Variants in THAP5 observed in about 807,000 individuals in gnomAD.
The protein encoded by THAP5 is THAP domain-containing protein 5.
In THAP5, 26 loss-of-function variants were observed where a neutral mutation model predicts 34.0. The ratio of observed to expected loss-of-function variants is 0.77; its 90% confidence interval spans 0.56 to 1.06. The LOEUF is 1.06. Ranked by LOEUF, THAP5 falls within the 50% of genes least tolerant of loss-of-function variation. The pLI, the probability that THAP5 is intolerant of heterozygous loss-of-function variation, is 0.00. For missense variants in THAP5, 394 were observed against 452.8 expected, an observed-to-expected ratio of 0.87 and a Z score of 1.18; for synonymous variants, 125 against 153.0, an observed-to-expected ratio of 0.82 and a Z score of 1.35.
At position 108,564,282 on chromosome 7, in the gene THAP5, A is replaced by G. The variant is rs753708909; in HGVS notation, c.1097T>C (p.Ile366Thr). 11 of 1,613,658 alleles carry G rather than the reference A, an allele frequency of 6.8e-6. No homozygotes were observed. The highest frequency in any genetic ancestry group is 1.1e-5 in the South Asian group (1 of 91,058). Residue 366 changes from isoleucine (I) to threonine (T), a missense_variant, in exon 3 of 3, where the codon ATA becomes ACA. Transcript: ENST00000415914. Reference sequence around the variant, plus strand: ...CCAGTTTTCCTGCTTTAGCTGCCTTATAAGAGCTTCCAAAGACTTCAATCT... The same window carrying G: ...CCAGTTTTCCTGCTTTAGCTGCCTTGTAAGAGCTTCCAAAGACTTCAATCT... ...LGRLKSLEAL[I>T]RQLKQENWLS...
the THAP5 span, among the ~76,000 whole-genome samples, chr7:108,544,237 G>A: frequency 3.3e-5 from 5 of 152,072 alleles, no homozygotes; most frequent in Non-Finnish European, 7.4e-5. Context: ...AAATAAAGAA[G>A]GACATTGGGC....
Position 108,564,876 on chromosome 7 carries a change from A to G in THAP5, c.503T>C (p.Leu168Pro). 11 of 1,605,958 alleles carry G rather than the reference A, an allele frequency of 6.8e-6. No homozygotes were observed. The highest frequency in any genetic ancestry group is 9.4e-6 in the Non-Finnish European group (11 of 1,174,880). ...TGGTTTCCCAGTATGTTGTTTAACTAGATTAAGAGTTAACATGTTATTTTG... is the reference window on the plus strand; with the variant it reads ...TGGTTTCCCAGTATGTTGTTTAACTGGATTAAGAGTTAACATGTTATTTTG... ...SIQNNMLTLN[L>P]VKQHTGKPES... The change falls in exon 3 of 3, where the codon CTA (leucine) becomes CCA (proline). Residue 168 changes from leucine (L) to proline (P), a missense_variant. Physicochemically the swap from Leu to Pro is moderately conservative, Grantham distance 98 (BLOSUM62 -3). Transcript: ENST00000415914.
At chr7:108,555,540 T>C (rs2154517875) in intron 1 of THAP5, among the ~76,000 whole-genome samples, 1 of 152,210 alleles carries the variant, frequency 6.6e-6, no homozygotes, top group Middle Eastern at 3.4e-3. Flanking sequence ...TATTAGTCTG[T>C]GTTCATGCTG....
At chr7:108,542,104 T>C in the THAP5 span, among the ~76,000 whole-genome samples, 29,854 of 152,114 alleles carry the variant, frequency 0.2, 3,647 homozygotes, top group East Asian at 0.5. Context: ...TTTCATAGTT[T>C]GTCGAATTTG....
chr7:108,565,717 TCCAAG>T, intron 2 of THAP5, 108 bp downstream of exon 2: 3 of 797,396 alleles, frequency 3.8e-6, no homozygotes, highest in Non-Finnish European at 3.6e-6. Flanking sequence ...CTCCCTTTTT[TCCAAG>T]TATCTGTTTA....
At chr7:108,567,279 C>G (rs1404410742) in intron 1 of THAP5, among the ~76,000 whole-genome samples, 1 of 152,066 alleles carries the variant, frequency 6.6e-6, no homozygotes, top group African/African-American at 2.4e-5. Context: ...CAAGCATAAC[C>G]AGAAAAGGAA....
chr7:108,548,200 TTA>T, the THAP5 span, among the ~76,000 whole-genome samples: 1 of 152,298 alleles, frequency 6.6e-6, no homozygotes, highest in South Asian at 2.1e-4. Flanking sequence ...ATTGGTTAAT[TTA>T]TATGCTGACT....
chr7:108,568,363 G>C (rs905605024), intron 1 of THAP5: 1 of 152,404 alleles, frequency 6.6e-6, no homozygotes, highest in South Asian at 2.1e-4. Context: ...GCGCCGCCAC[G>C]CGCAGCTAAT....
chr7:108,560,176 A>G (rs1162071877), downstream of THAP5, among the ~76,000 whole-genome samples: 2 of 152,186 alleles, frequency 1.3e-5, no homozygotes, highest in Non-Finnish European at 2.9e-5. Context: ...TTAGTAGGCC[A>G]CTTCTTTAGT....
chr7:108,557,428 A>G (rs1386268724), downstream of THAP5, among the ~76,000 whole-genome samples: 1 of 152,234 alleles, frequency 6.6e-6, no homozygotes, highest in African/African-American at 2.4e-5. Flanking sequence ...AGAAGCAGCC[A>G]GGTCACATTT....
chr7:108,565,967 C>T lies in THAP5; in HGVS notation c.136G>A (p.Asp46Asn). Reference protein sequence around the residue: ...LEKWLKNMKRDSWVPSKYQFL... With the variant: ...LEKWLKNMKRNSWVPSKYQFL... ...TGGTATTTACTGGGAACCCATGAATCTCGCTTCATATTCTTTAACCACTTT... is the reference window on the plus strand; with the variant it reads ...TGGTATTTACTGGGAACCCATGAATTTCGCTTCATATTCTTTAACCACTTT... The change falls in exon 2 of 3, where the codon GAT (aspartate) becomes AAT (asparagine). Residue 46 changes from aspartate (D) to asparagine (N), a missense_variant. Asp to Asn is a conservative substitution (Grantham distance 23, BLOSUM62 1). Coordinates refer to ENST00000415914, the MANE Select transcript of THAP5 (RefSeq NM_001130475.3). The T allele has an allele frequency of 6.5e-7, 1 of 1,549,808 alleles. No homozygotes were observed. The highest frequency in any genetic ancestry group is 8.7e-7 in the Non-Finnish European group (1 of 1,146,364).
chr7:108,569,256 T>C, intron 1 of THAP5: 1 of 1,414,540 alleles, frequency 7.1e-7, no homozygotes, highest in South Asian at 1.6e-5. Context: ...CTGTTTTAAC[T>C]GTTAACACCC....
chr7:108,546,440 A>AC, the THAP5 span, among the ~76,000 whole-genome samples: 3 of 152,350 alleles, frequency 2.0e-5, no homozygotes, highest in Non-Finnish European at 4.4e-5. Flanking sequence ...CTGGTTCTTC[A>AC]GTGATACATA....
At chr7:108,549,350 G>A in the THAP5 span, among the ~76,000 whole-genome samples, 1 of 152,068 alleles carries the variant, frequency 6.6e-6, no homozygotes, top group Non-Finnish European at 1.5e-5. Flanking sequence ...TCGATCTCTT[G>A]ACCTCATGAT....
At chr7:108,565,183 T>C (rs1790458401) in intron 2 of THAP5, 78 bp from the exon 3 acceptor site, 5 of 1,200,016 alleles carry the variant, frequency 4.2e-6, no homozygotes, top group South Asian at 3.4e-5. Context: ...AATTATAATA[T>C]TGAGTAGTAC....
At chr7:108,559,668 G>A (rs935760516), downstream of THAP5, among the ~76,000 whole-genome samples, 1 of 152,096 alleles carries the variant, frequency 6.6e-6, no homozygotes, top group African/African-American at 2.4e-5. Flanking sequence ...GGTATAATTG[G>A]CTCACAGTTC....
chr7:108,543,599 A>G, the THAP5 span, among the ~76,000 whole-genome samples: 26 of 152,220 alleles, frequency 1.7e-4, no homozygotes, highest in African/African-American at 5.8e-4. Flanking sequence ...TCCAAGAGAA[A>G]GTCGTCTTTA....
At chr7:108,551,998 A>G (rs1864356379), downstream of THAP5, among the ~76,000 whole-genome samples, 1 of 151,996 alleles carries the variant, frequency 6.6e-6, no homozygotes, top group African/African-American at 2.4e-5. Context: ...TTATGCCTGG[A>G]GGGTATACAC....
chr7:108,559,283 T>C (rs1449464653), downstream of THAP5, among the ~76,000 whole-genome samples: 1 of 152,200 alleles, frequency 6.6e-6, no homozygotes, highest in African/African-American at 2.4e-5. Context: ...AAAGTCTGAA[T>C]AGGAATGTTT....
Sources: allele counts gnomAD v4.1 joint callset (sites outside exome capture counted in the v4.1 genomes callset), GRCh38; gene constraint gnomAD v4.1.1; transcripts MANE v1.5; gene names NCBI Gene and HGNC (gene_info 2026-07-23, HGNC 2026-07-21).